The following MAPK4 variants were observed in gnomAD, a reference collection of about 807,000 sequenced individuals.
The protein encoded by MAPK4 is Erk3-related.
A neutral mutation model predicts 47.7 loss-of-function variants in MAPK4; 22 were observed. That is an observed-to-expected ratio of 0.46 (90% CI 0.33 to 0.66). The LOEUF (loss-of-function observed/expected upper bound fraction) is 0.66. Ranked by LOEUF, MAPK4 falls within the 30% of genes least tolerant of loss-of-function variation. The pLI is 0.02. For missense variants in MAPK4, 736 were observed against 831.7 expected, an observed-to-expected ratio of 0.88 and a Z score of 1.42; for synonymous variants, 390 against 365.7, an observed-to-expected ratio of 1.07 and a Z score of -0.76.
At chr18:50,611,692 A>G (rs1422101926) in intron 1 of MAPK4, among the ~76,000 whole-genome samples, 1 of 152,214 alleles carries the variant, frequency 6.6e-6, no homozygotes, top group East Asian at 1.9e-4. Flanking sequence ...TTTGATCTTC[A>G]GGGTTTGCAG....
chr18:50,609,786 G>A (rs12958343), intron 1 of MAPK4, among the ~76,000 whole-genome samples: 16 of 152,070 alleles, frequency 1.1e-4, no homozygotes, highest in Non-Finnish European at 1.8e-4. Flanking sequence ...TTGGCTCTAA[G>A]GCCCACTTGT....
chr18:50,630,626 C>A (rs1225205595), intron 1 of MAPK4, among the ~76,000 whole-genome samples: 4 of 152,204 alleles, frequency 2.6e-5, no homozygotes, highest in Non-Finnish European at 5.9e-5. Flanking sequence ...CCTTCAAGGT[C>A]CTAACTAAAA....
At chr18:50,700,132 C>G (rs1909709733) in intron 2 of MAPK4, among the ~76,000 whole-genome samples, 1 of 152,174 alleles carries the variant, frequency 6.6e-6, no homozygotes, top group South Asian at 2.1e-4. Context: ...GCTCAAAGCC[C>G]AAGCCTTCTA....
At chr18:50,591,167 A>G (rs2042433849) in intron 1 of MAPK4, among the ~76,000 whole-genome samples, 1 of 152,232 alleles carries the variant, frequency 6.6e-6, no homozygotes, top group Non-Finnish European at 1.5e-5. Flanking sequence ...TAAAATCATC[A>G]TCACTAATAT....
chr18:50,664,412 C>A lies in MAPK4; in HGVS notation c.454C>A (p.Pro152Thr), dbSNP rs1166485386. The A allele has an allele frequency of 1.2e-6, 2 of 1,614,004 alleles. No homozygotes were observed. The highest frequency in any genetic ancestry group is 8.5e-7 in the Non-Finnish European group (1 of 1,180,036). The part of the protein sequence containing the change: ...SANVLHRDLK[P>T]ANIFISTEDL... ...CAACGTGCTGCACAGGGACCTGAAGCCCGCCAACATCTTCATCAGCACAGA... is the reference window on the plus strand; with the variant it reads ...CAACGTGCTGCACAGGGACCTGAAGACCGCCAACATCTTCATCAGCACAGA... The change falls in exon 2 of 6, where the codon CCC becomes ACC. Residue 152 changes from proline to threonine, a missense_variant. By Grantham distance (38) the Pro-to-Thr change is conservative. Transcript: ENST00000400384. The surrounding 1 kb of genome is among the most constrained non-coding windows in gnomAD (Gnocchi z 6.0).
chr18:50,593,200 T>G (rs1376650763), intron 1 of MAPK4, among the ~76,000 whole-genome samples: 1 of 152,204 alleles, frequency 6.6e-6, no homozygotes, highest in Non-Finnish European at 1.5e-5. Context: ...TTTTTTTCCT[T>G]TCTTATTTTG....
chr18:50,679,133 G>C (rs1358770921), intron 2 of MAPK4, among the ~76,000 whole-genome samples: 1 of 152,234 alleles, frequency 6.6e-6, no homozygotes, highest in Admixed American at 6.5e-5. Context: ...AAGCCCGGGA[G>C]CACAGAATGG....
chr18:50,606,044 C>T (rs773342257), intron 1 of MAPK4, among the ~76,000 whole-genome samples: 40 of 69,150 alleles, frequency 5.8e-4, no homozygotes, highest in Non-Finnish European at 9.1e-4. Flanking sequence ...CTCATGGAGT[C>T]AAAGAAAAAG....
chr18:50,611,115 G>A (rs1237630929), intron 1 of MAPK4, among the ~76,000 whole-genome samples: 1 of 152,130 alleles, frequency 6.6e-6, no homozygotes, highest in Non-Finnish European at 1.5e-5. Flanking sequence ...AACCCAACAA[G>A]CAAAGAGCAG....
At chr18:50,618,257 C>T (rs1349829831) in intron 1 of MAPK4, among the ~76,000 whole-genome samples, 2 of 152,130 alleles carry the variant, frequency 1.3e-5, no homozygotes, top group African/African-American at 4.8e-5. Flanking sequence ...TGCTCATCGA[C>T]CTCTGGGCTT....
At chr18:50,669,224 T>A (rs1013582839) in intron 2 of MAPK4, 3 of 152,256 alleles carry the variant, frequency 2.0e-5, no homozygotes, top group Admixed American at 2.0e-4. Flanking sequence ...TTCTTCGTTG[T>A]TTGTGTTGAG....
intron 1 of MAPK4, among the ~76,000 whole-genome samples, chr18:50,606,884 G>A (rs1328603465): frequency 2.6e-5 from 4 of 152,316 alleles, no homozygotes; most frequent in African/African-American, 4.8e-5. Context: ...GTTCACTGCC[G>A]CTGCTGTAAT....
chr18:50,584,188 C>T (rs1286991741), intron 1 of MAPK4, among the ~76,000 whole-genome samples: 1 of 152,204 alleles, frequency 6.6e-6, no homozygotes, highest in Non-Finnish European at 1.5e-5. Flanking sequence ...TGCTACTTTA[C>T]AGCATGTCTT....
At chr18:50,668,970 G>A (rs1907770590) in intron 2 of MAPK4, among the ~76,000 whole-genome samples, 1 of 152,222 alleles carries the variant, frequency 6.6e-6, no homozygotes, top group South Asian at 2.1e-4. Context: ...ACGAAAAAGC[G>A]TGGCTGTCAA....
chr18:50,652,353 A>G (rs1345608828), intron 1 of MAPK4, among the ~76,000 whole-genome samples: 1 of 152,206 alleles, frequency 6.6e-6, no homozygotes, highest in East Asian at 1.9e-4. Flanking sequence ...CCTGCAAATG[A>G]TTAGCCTCCC....
intron 1 of MAPK4, among the ~76,000 whole-genome samples, chr18:50,564,125 A>G (rs553166078): frequency 1.3e-5 from 2 of 152,274 alleles, no homozygotes; most frequent in Admixed American, 6.5e-5. Flanking sequence ...GCTGTTTATC[A>G]TGGTGCAGTG....
At chr18:50,560,329 T>A (rs1403125855) in intron 1 of MAPK4, 86 bp downstream of exon 1, 1 of 151,898 alleles carries the variant, frequency 6.6e-6, no homozygotes, top group East Asian at 2.0e-4. Flanking sequence ...GGGGAAGAGA[T>A]GAGACTTCCC....
chr18:50,693,174 A>T (rs1011304045), intron 2 of MAPK4, among the ~76,000 whole-genome samples: 7 of 152,224 alleles, frequency 4.6e-5, no homozygotes, highest in South Asian at 2.1e-4. Flanking sequence ...CAAGAGAATC[A>T]CTTGAACCTG....
intron 2 of MAPK4, among the ~76,000 whole-genome samples, chr18:50,666,684 G>A (rs542471920): frequency 3.9e-5 from 6 of 152,178 alleles, no homozygotes; most frequent in Admixed American, 1.3e-4. Context: ...AATAAAATTC[G>A]CTGTGGGAGG....
Sources: gnomAD v4.1 joint callset for allele counts (sites outside exome capture counted in the v4.1 genomes callset) on GRCh38, gnomAD v4.1.1 for gene constraint, Gnocchi (gnomAD v3.1) non-coding constraint, MANE v1.5 for transcripts, NCBI Gene and HGNC (gene_info 2026-07-23, HGNC 2026-07-21) for gene names.